The following MAU2 variants were observed in gnomAD, a reference collection of about 807,000 sequenced individuals.
MAU2 encodes the protein MAU2 chromatid cohesion factor homolog.
MAU2 carries 9 observed loss-of-function variants against 89.1 expected under a neutral mutation model. The observed-to-expected ratio is 0.10, with a 90% CI of 0.06 to 0.18. The LOEUF is 0.18. Ranked by LOEUF, MAU2 falls within the 10% of genes least tolerant of loss-of-function variation. MAU2 has a pLI of 1.00. For synonymous variants in MAU2, 357 were observed against 343.4 expected (o/e 1.04, Z -0.44); for missense variants, 425 against 803.5 (o/e 0.53, Z 5.69).
chr19:19,347,061 G>A lies in MAU2; in HGVS notation c.1222-219G>A, dbSNP rs1414923836. On this transcript the variant is annotated intron_variant, in intron 12 of 18. Transcript: ENST00000262815. Reference sequence around the variant, plus strand: ...TTGGGGTGGCTGGTTTTCCTCTTCTGTGTTCTCTAACTGCCCCGTAACGCA... The same window carrying A: ...TTGGGGTGGCTGGTTTTCCTCTTCTATGTTCTCTAACTGCCCCGTAACGCA... 4 of 534,586 alleles carry A rather than the reference G, an allele frequency of 7.5e-6. No individual in the cohort carries two copies. In the Admixed American group the frequency reaches 1.3e-4, roughly 18 times the overall value. 33.1% of individuals were successfully genotyped at this position (534,586 alleles called of 1,614,324 possible). A position where few individuals can be genotyped will look rare whatever the true frequency, so the allele number is the denominator to read the frequency against.
intron 1 of MAU2, among the ~76,000 whole-genome samples, chr19:19,333,769 G>A (rs1347421356): frequency 6.6e-6 from 1 of 152,220 alleles, no homozygotes; most frequent in East Asian, 1.9e-4. Flanking sequence ...TACCTCTGCT[G>A]GGATGCAGTG....
intron 1 of MAU2, among the ~76,000 whole-genome samples, chr19:19,325,988 T>C (rs541564719): frequency 6.7e-6 from 1 of 149,378 alleles, no homozygotes; most frequent in South Asian, 2.1e-4. Flanking sequence ...TCTAATGGTC[T>C]CCTCAACTGC....
chr19:19,352,797 C>T (rs1308181165), intron 16 of MAU2: 3 of 152,256 alleles, frequency 2.0e-5, no homozygotes, highest in Non-Finnish European at 2.9e-5. Context: ...TGGGAATCCC[C>T]CTCTGCTCCC....
At chr19:19,355,562 C>T in intron 18 of MAU2, 146 bp from the exon 19 acceptor site, 3 of 1,192,158 alleles carry the variant, frequency 2.5e-6, no homozygotes, top group Non-Finnish European at 2.4e-6. Context: ...GCAAGGGACC[C>T]AGGTGTCTCC....
intron 2 of MAU2, 132 bp downstream of exon 2, chr19:19,335,867 G>A: frequency 9.5e-7 from 1 of 1,053,172 alleles, no homozygotes; most frequent in Non-Finnish European, 1.5e-6. Context: ...CACCTGGAGT[G>A]TCCCCCACCT....
intron 7 of MAU2, among the ~76,000 whole-genome samples, chr19:19,341,679 G>T (rs376810236): frequency 6.6e-6 from 1 of 152,204 alleles, no homozygotes; most frequent in East Asian, 1.9e-4. Context: ...TGGATGCTCA[G>T]AGATTCCAAT....
chr19:19,321,401 C>T (rs2061454641), intron 1 of MAU2: 2 of 439,658 alleles, frequency 4.5e-6, no homozygotes, highest in Non-Finnish European at 4.0e-6. Flanking sequence ...TGAAAGTTGC[C>T]TGTTATTGGG....
chr19:19,357,800 A>G lies in MAU2; in HGVS notation c.*2018A>G, dbSNP rs527433050. On this transcript the variant is annotated 3_prime_UTR_variant, in exon 19 of 19. Transcript: ENST00000262815. ...GCTTTATGGAAGCCAAATCATGTGC[A>G]TGTGTGTGTGTGCGTGTGTGCAAGC... The G allele has an allele frequency of 6.6e-6, 1 of 152,114 alleles. No homozygotes were observed. The highest frequency in any genetic ancestry group is 1.9e-4 in the East Asian group (1 of 5,180). 9.4% of individuals were successfully genotyped at this position (152,114 alleles called of 1,614,324 possible).
intron 1 of MAU2, among the ~76,000 whole-genome samples, chr19:19,328,252 T>C (rs1167112747): frequency 1.3e-5 from 2 of 152,088 alleles, no homozygotes; most frequent in Non-Finnish European, 2.9e-5. Flanking sequence ...GTTCTCTCTC[T>C]TCTTGCTGTA....
intron 1 of MAU2, chr19:19,321,667 A>G (rs951647992): frequency 6.6e-6 from 1 of 152,372 alleles, no homozygotes; most frequent in Non-Finnish European, 1.5e-5. Context: ...GAAGTTTGGT[A>G]ATCGTGGTTT....
At chr19:19,347,165 GA>G in intron 12 of MAU2, 114 bp from the exon 13 acceptor site, 2 of 700,788 alleles carry the variant, frequency 2.9e-6, no homozygotes, top group South Asian at 3.3e-5. Flanking sequence ...TGTTTGAAAT[GA>G]AAAGAACAAG....
At chr19:19,331,479 G>A (rs1042535106) in intron 1 of MAU2, among the ~76,000 whole-genome samples, 2 of 147,988 alleles carry the variant, frequency 1.4e-5, no homozygotes, top group South Asian at 2.1e-4. Context: ...TCCAGCCTGG[G>A]CGACAGAGTG....
At position 19,357,458 on chromosome 19, in the gene MAU2, TC is replaced by T; in HGVS notation, c.*1679del. ...GGAGCCCCCCACATCCTCCCCTACA[TC>T]CCAGAGATGCCACCACTTGTGTCTC... On this transcript the variant is annotated 3_prime_UTR_variant, in exon 19 of 19. Coordinates refer to ENST00000262815, the MANE Select transcript of MAU2 (RefSeq NM_015329.4). 6.5e-6 allele frequency: 1 copy of T among 152,898 alleles called. No homozygotes were observed. Among genetic ancestry groups the T allele is most frequent in the Non-Finnish European group, 1.5e-5 (1 of 68,180 alleles). The allele number at this position is 152,898 out of a possible 1,614,324, so 9.5% of individuals were successfully genotyped here.
intron 10 of MAU2, 151 bp from the exon 11 acceptor site, chr19:19,344,698 C>T (rs1022865292): frequency 2.6e-5 from 17 of 656,192 alleles, no homozygotes; most frequent in Admixed American, 6.5e-5. Context: ...GCCCTTTGCC[C>T]TCATGGTGGA....
chr19:19,355,485 A>T, intron 18 of MAU2, 94 bp downstream of exon 18: 3 of 1,537,680 alleles, frequency 2.0e-6, no homozygotes, highest in Non-Finnish European at 2.6e-6. Context: ...TCTTTTGTCC[A>T]ACAAACCCTA....
intron 1 of MAU2, among the ~76,000 whole-genome samples, chr19:19,327,442 C>T (rs969289903): frequency 6.6e-6 from 1 of 152,082 alleles, no homozygotes; most frequent in Non-Finnish European, 1.5e-5. Context: ...TCTCCTGCCT[C>T]AGCCTCCTGA....
chr19:19,332,278 A>G lies in MAU2; in HGVS notation c.277-3440A>G, dbSNP rs542086504. Among the ~76,000 whole-genome samples the G allele has an allele frequency of 9.4e-5, 14 of 149,018 alleles. No homozygotes were observed. The South Asian group carries it at 1.9e-3, about 20-fold the overall frequency. On this transcript the variant is annotated intron_variant, in intron 1 of 18. Transcript: ENST00000262815. ...TGGGCTCAAGTGATCCTCCCACGTC[A>G]GCCTCCCAAGTAACTGGCATTACAG...
chr19:19,325,232 A>G (rs1201829401), intron 1 of MAU2, among the ~76,000 whole-genome samples: 1 of 151,782 alleles, frequency 6.6e-6, no homozygotes, highest in African/African-American at 2.4e-5. Flanking sequence ...CTGGAGTGCA[A>G]TGGCGCAATC....
rs143290323 is a variant in MAU2, at chr19:19,347,147, A to G, written c.1222-133A>G. On this transcript the variant is annotated intron_variant, in intron 12 of 18. Transcript: ENST00000262815. Reference sequence around the variant, plus strand: ...TGTTATCCTTGAGCTTAGGAGGCAAAACAAGTGTGTTTGAAATGAAAAGAA... The same window carrying G: ...TGTTATCCTTGAGCTTAGGAGGCAAGACAAGTGTGTTTGAAATGAAAAGAA... The G allele has an allele frequency of 5.8e-3, 3,844 of 658,430 alleles. 65 individuals are homozygous for G. The highest frequency in any genetic ancestry group is 0.032 in the South Asian group (1,795 of 56,002). 40.8% of individuals were successfully genotyped at this position (658,430 alleles called of 1,614,324 possible).
Sources: allele counts gnomAD v4.1 joint callset (sites outside exome capture counted in the v4.1 genomes callset), GRCh38; gene constraint gnomAD v4.1.1; transcripts MANE v1.5; gene names NCBI Gene and HGNC (gene_info 2026-07-23, HGNC 2026-07-21).